Variants in SORCS3 observed in about 807,000 individuals in gnomAD.
SORCS3 encodes VPS10 domain-containing receptor SorCS3.
SORCS3 carries 57 observed loss-of-function variants against 146.3 expected under a neutral mutation model. The observed-to-expected ratio is 0.39, with a 90% CI of 0.31 to 0.49. The LOEUF is 0.49. SORCS3 is among the 20% of genes least tolerant of loss of function. The pLI is 0.92. For missense variants in SORCS3, 1,341 were observed against 1,575.5 expected (o/e 0.85, Z 2.52); for synonymous variants, 653 against 618.5 (o/e 1.06, Z -0.83).
intron 20 of SORCS3, among the ~76,000 whole-genome samples, chr10:105,245,065 T>G (rs1589708128): frequency 1.7e-5 from 1 of 58,490 alleles, no homozygotes. Flanking sequence ...CAAGACTCTG[T>G]CAAAAAAAAA....
At chr10:105,187,455 G>T (rs1406220532) in intron 14 of SORCS3, among the ~76,000 whole-genome samples, 4 of 152,172 alleles carry the variant, frequency 2.6e-5, no homozygotes, top group Admixed American at 6.5e-5. Context: ...CAATCAGGTG[G>T]CATGGACACA....
intron 4 of SORCS3, among the ~76,000 whole-genome samples, chr10:105,040,605 T>C (rs1000444988): frequency 2.0e-5 from 3 of 152,190 alleles, no homozygotes; most frequent in Non-Finnish European, 4.4e-5. Flanking sequence ...TAAGTGTATA[T>C]GAAGATCAGG....
At chr10:105,139,664 C>G (rs902459569) in intron 8 of SORCS3, among the ~76,000 whole-genome samples, 178 bp downstream of exon 8, 2 of 152,066 alleles carry the variant, frequency 1.3e-5, no homozygotes, top group African/African-American at 4.8e-5. Context: ...TTCTGTATTT[C>G]TGTCTCAGCT....
chr10:104,977,274 T>A (rs1233466691), intron 3 of SORCS3, 61 bp from the exon 4 acceptor site: 2 of 1,353,192 alleles, frequency 1.5e-6, no homozygotes, highest in African/African-American at 2.9e-5. Flanking sequence ...ATGATTAAAG[T>A]TATTATATTT....
intron 1 of SORCS3, among the ~76,000 whole-genome samples, chr10:104,808,598 A>G (rs546087610): frequency 5.3e-5 from 8 of 152,230 alleles, no homozygotes; most frequent in Non-Finnish European, 1.0e-4. Context: ...AGAATGAGGC[A>G]TTGAGTAAAG....
chr10:105,139,338 C>T, intron 7 of SORCS3, 59 bp from the exon 8 acceptor site: 1 of 1,286,128 alleles, frequency 7.8e-7, no homozygotes, highest in Non-Finnish European at 1.1e-6. Context: ...CTAATACTTT[C>T]CAACTTGTGC....
At chr10:105,167,956 A>C (rs2119529531) in intron 13 of SORCS3, among the ~76,000 whole-genome samples, 1 of 152,234 alleles carries the variant, frequency 6.6e-6, no homozygotes, top group South Asian at 2.1e-4. Flanking sequence ...AAATTATGGG[A>C]CGGACTAAAG....
intron 1 of SORCS3, among the ~76,000 whole-genome samples, chr10:104,670,114 G>A (rs2015833948): frequency 2.0e-5 from 3 of 151,978 alleles, no homozygotes; most frequent in African/African-American, 4.8e-5. Flanking sequence ...TATATATTCT[G>A]CATACCAACC....
At chr10:104,644,909 T>TGGG (rs1335543096) in intron 1 of SORCS3, among the ~76,000 whole-genome samples, 1 of 152,128 alleles carries the variant, frequency 6.6e-6, no homozygotes, top group Non-Finnish European at 1.5e-5. Flanking sequence ...GGATGCAGGG[T>TGGG]GGGACATGAA....
intron 1 of SORCS3, among the ~76,000 whole-genome samples, chr10:104,822,812 G>T (rs916379533): frequency 1.3e-5 from 2 of 152,142 alleles, no homozygotes; most frequent in Non-Finnish European, 2.9e-5. Flanking sequence ...AATCTCTGGC[G>T]ATTTTAATCA....
intron 5 of SORCS3, among the ~76,000 whole-genome samples, chr10:105,046,138 G>A (rs915582301): frequency 1.3e-5 from 2 of 152,094 alleles, no homozygotes; most frequent in Non-Finnish European, 2.9e-5. Context: ...GTTGGGGAAC[G>A]CTGAGTGGAA....
At chr10:104,783,781 A>C (rs922256222) in intron 1 of SORCS3, among the ~76,000 whole-genome samples, 1 of 152,212 alleles carries the variant, frequency 6.6e-6, no homozygotes, top group Non-Finnish European at 1.5e-5. Context: ...TTGGAGGCTC[A>C]AAGATGAATT....
chr10:104,960,133 A>G (rs905025552), intron 3 of SORCS3, among the ~76,000 whole-genome samples: 1 of 152,144 alleles, frequency 6.6e-6, no homozygotes, highest in African/African-American at 2.4e-5. Flanking sequence ...GGGCAATGCA[A>G]TGTTCCCAGA....
chr10:104,976,001 G>T (rs1248469602), intron 3 of SORCS3, among the ~76,000 whole-genome samples: 1 of 152,092 alleles, frequency 6.6e-6, no homozygotes, highest in Non-Finnish European at 1.5e-5. Context: ...ATAGGCATGG[G>T]CAAGGACTTC....
chr10:105,100,341 A>G (rs1344324371), intron 6 of SORCS3, among the ~76,000 whole-genome samples: 1 of 152,244 alleles, frequency 6.6e-6, no homozygotes, highest in Non-Finnish European at 1.5e-5. Flanking sequence ...GGATATCCAA[A>G]TGAGATCTTT....
At chr10:104,708,736 C>A (rs1385267116) in intron 1 of SORCS3, among the ~76,000 whole-genome samples, 1 of 152,166 alleles carries the variant, frequency 6.6e-6, no homozygotes, top group African/African-American at 2.4e-5. Context: ...TTCCTTTTAG[C>A]AGCCATATTT....
At chr10:105,161,894 C>T (rs2056266541) in intron 11 of SORCS3, among the ~76,000 whole-genome samples, 1 of 152,136 alleles carries the variant, frequency 6.6e-6, no homozygotes, top group Non-Finnish European at 1.5e-5. Context: ...CGTCTCTGAG[C>T]CCCTTTCCGT....
At chr10:105,105,149 A>T (rs1446728792) in intron 6 of SORCS3, among the ~76,000 whole-genome samples, 1 of 152,224 alleles carries the variant, frequency 6.6e-6, no homozygotes, top group Non-Finnish European at 1.5e-5. Flanking sequence ...TTGTTCTTCC[A>T]AAAAGCTATA....
At chr10:104,727,295 A>G (rs2016647651) in intron 1 of SORCS3, among the ~76,000 whole-genome samples, 1 of 152,232 alleles carries the variant, frequency 6.6e-6, no homozygotes, top group East Asian at 1.9e-4. Context: ...GCAAAAGAAT[A>G]TATATTCATT....
Sources: gnomAD v4.1 joint callset for allele counts (sites outside exome capture counted in the v4.1 genomes callset) on GRCh38, gnomAD v4.1.1 for gene constraint, MANE v1.5 for transcripts, NCBI Gene and HGNC (gene_info 2026-07-23, HGNC 2026-07-21) for gene names.